Variants in GSE1 observed in about 807,000 individuals in gnomAD.
The protein encoded by GSE1 is Gse1 coiled-coil protein.
A neutral mutation model predicts 112.6 loss-of-function variants in GSE1; 32 were observed. The observed-to-expected ratio is 0.28, with a 90% CI of 0.21 to 0.38. The LOEUF is 0.38. Ranked by LOEUF, GSE1 falls within the 10% of genes least tolerant of loss-of-function variation. The pLI, the probability that GSE1 is intolerant of heterozygous loss-of-function variation, is 1.00. For synonymous variants in GSE1, 1,115 were observed against 735.6 expected, an observed-to-expected ratio of 1.52 and a Z score of -8.35; for missense variants, 2,348 against 1,699.2, an observed-to-expected ratio of 1.38 and a Z score of -6.71.
At chr16:85,228,503 G>A (rs1238543423) in intron 1 of GSE1, among the ~76,000 whole-genome samples, 2 of 152,332 alleles carry the variant, frequency 1.3e-5, no homozygotes, top group East Asian at 3.9e-4. Flanking sequence ...TGGATAGGGT[G>A]TTTACGCTCC....
upstream of GSE1, chr16:85,555,380 G>A: frequency 1.0e-6 from 1 of 977,914 alleles, no homozygotes; most frequent in African/African-American, 1.8e-5. Context: ...CCGGGCCAGG[G>A]AGATAACCAA....
intron 2 of GSE1, among the ~76,000 whole-genome samples, chr16:85,410,032 GGCCC>G (rs1355355129): frequency 1.5e-4 from 1 of 6,874 alleles, no homozygotes; most frequent in Non-Finnish European, 2.5e-4. Flanking sequence ...TTACACTCAG[GGCCC>G]CCCCCGGATA....
At chr16:85,543,366 A>G (rs1240188922) in intron 2 of GSE1, among the ~76,000 whole-genome samples, 2 of 152,200 alleles carry the variant, frequency 1.3e-5, no homozygotes, top group African/African-American at 4.8e-5. Flanking sequence ...TGAATGATTA[A>G]TAGTAGATAT....
intron 2 of GSE1, among the ~76,000 whole-genome samples, chr16:85,640,165 G>A (rs1436784406): frequency 2.0e-5 from 3 of 152,242 alleles, no homozygotes; most frequent in East Asian, 3.9e-4. Flanking sequence ...GGGGTTGGGC[G>A]CACAAGAGTC....
chr16:85,554,964 G>C (rs1183725337), upstream of GSE1: 5 of 985,282 alleles, frequency 5.1e-6, no homozygotes, highest in Middle Eastern at 5.2e-4. Context: ...GGCGAGCCCG[G>C]CTTCCTGCGC....
At chr16:85,379,804 G>A (rs1015545869) in intron 2 of GSE1, among the ~76,000 whole-genome samples, 21 of 152,204 alleles carry the variant, frequency 1.4e-4, no homozygotes, top group African/African-American at 4.8e-4. Flanking sequence ...GGGGTTGAGG[G>A]AAGCAGATCG....
intron 2 of GSE1, among the ~76,000 whole-genome samples, chr16:85,534,658 G>A (rs753426701): frequency 2.6e-5 from 4 of 152,120 alleles, no homozygotes; most frequent in Non-Finnish European, 5.9e-5. Context: ...CCTCTTGGCC[G>A]CTGCTGGTCG....
At chr16:85,414,825 G>A (rs542541589) in intron 2 of GSE1, among the ~76,000 whole-genome samples, 53 of 152,080 alleles carry the variant, frequency 3.5e-4, no homozygotes, top group African/African-American at 8.7e-4. Flanking sequence ...TAGTAGAGAC[G>A]GGGTTTCACC....
Position 85,654,296 on chromosome 16 carries a change from A to G in GSE1, c.445A>G (p.Ser149Gly). 1.9e-6 allele frequency: 3 copies of G among 1,604,128 alleles called. No homozygotes were observed. Residue 149 changes from serine to glycine, a missense_variant, in exon 4 of 16, where the codon AGC becomes GGC. Physicochemically the swap from Ser to Gly is moderately conservative, Grantham distance 56 (BLOSUM62 0). Coordinates refer to ENST00000253458, the MANE Select transcript of GSE1 (RefSeq NM_014615.5). The part of the protein sequence containing the change: ...ESRQDAGSRS[S>G]SGGRERLIVE... ...CCCGCAGGATGCCGGCTCCAGGAGC[A>G]GCAGTGGAGGTCGGGAACGCCTCAT...
chr16:85,425,485 A>G (rs1041309063), intron 2 of GSE1, among the ~76,000 whole-genome samples: 1 of 152,162 alleles, frequency 6.6e-6, no homozygotes, highest in Non-Finnish European at 1.5e-5. Flanking sequence ...TGCTCATGAG[A>G]CAAAACCCAT....
At chr16:85,615,998 A>T (rs1359715771) in intron 1 of GSE1, among the ~76,000 whole-genome samples, 2 of 152,150 alleles carry the variant, frequency 1.3e-5, no homozygotes, top group Non-Finnish European at 2.9e-5. Context: ...TCCAGCAGTC[A>T]CTTCCCTGTC....
In GSE1 at chr16:85,493,016, T is replaced by C. The variant is rs184707815; in HGVS notation, c.2464+135373T>C. Among the ~76,000 whole-genome samples, 1,241 of 152,246 alleles carry C rather than the reference T, an allele frequency of 8.2e-3. 9 individuals are homozygous for C. Among genetic ancestry groups the C allele is most frequent in the Non-Finnish European group, 0.012 (797 of 68,014 alleles). On this transcript the variant is annotated intron_variant, in intron 2 of 2. Transcript: ENST00000637419. ...GCGCACTAAAAGAGCTCAGAGCTAGTGCAGGGTATGGAGCCACAGGGCTGG... is the reference window on the plus strand; with the variant it reads ...GCGCACTAAAAGAGCTCAGAGCTAGCGCAGGGTATGGAGCCACAGGGCTGG...
Position 85,453,796 on chromosome 16 carries a change from C to T in GSE1, c.2464+96153C>T, listed in dbSNP as rs192182689. Among the ~76,000 whole-genome samples, 212 of 152,306 alleles carry T rather than the reference C, an allele frequency of 1.4e-3. 1 individual carries two copies. Among genetic ancestry groups the T allele is most frequent in the African/African-American group, 4.9e-3 (203 of 41,556 alleles). ...CGGTCGCACCCCATCCAGCTCTGGGCGGACCCCCAGGTGTCTGACCTCGGC... is the reference window on the plus strand; with the variant it reads ...CGGTCGCACCCCATCCAGCTCTGGGTGGACCCCCAGGTGTCTGACCTCGGC... On this transcript the variant is annotated intron_variant, in intron 2 of 2. Coordinates refer to the GSE1 transcript ENST00000637419.
chr16:85,534,413 C>A (rs145705946), intron 2 of GSE1, among the ~76,000 whole-genome samples: 1 of 152,178 alleles, frequency 6.6e-6, no homozygotes, highest in African/African-American at 2.4e-5. Flanking sequence ...TGAGCCACCA[C>A]GCCCGGCCAA....
chr16:85,625,503 C>T (rs1193606111), intron 1 of GSE1, among the ~76,000 whole-genome samples: 6 of 152,172 alleles, frequency 3.9e-5, no homozygotes, highest in Non-Finnish European at 1.5e-5. Context: ...GGTGACCTGG[C>T]CCCCCAGGTG....
intron 2 of GSE1, among the ~76,000 whole-genome samples, chr16:85,391,792 C>T (rs1423758293): frequency 6.6e-6 from 1 of 152,122 alleles, no homozygotes; most frequent in East Asian, 1.9e-4. Context: ...CTTGTGGGGC[C>T]TCACTGGCAT....
At chr16:85,348,714 G>A (rs2046793413) in intron 1 of GSE1, among the ~76,000 whole-genome samples, 1 of 152,184 alleles carries the variant, frequency 6.6e-6, no homozygotes, top group Non-Finnish European at 1.5e-5. Flanking sequence ...GCCTGGCTCT[G>A]GATCGTGCTT....
At chr16:85,438,099 T>A (rs1275934993) in intron 2 of GSE1, among the ~76,000 whole-genome samples, 1 of 152,150 alleles carries the variant, frequency 6.6e-6, no homozygotes. Flanking sequence ...AGGGGCTGCC[T>A]ACCTTTCTCT....
chr16:85,429,827 A>G (rs1035209995), intron 2 of GSE1, among the ~76,000 whole-genome samples: 2 of 151,546 alleles, frequency 1.3e-5, no homozygotes, highest in African/African-American at 4.9e-5. Flanking sequence ...TCGATTTTCC[A>G]TTTTTCTCCA....
Sources: allele counts gnomAD v4.1 joint callset (sites outside exome capture counted in the v4.1 genomes callset), GRCh38; gene constraint gnomAD v4.1.1; transcripts MANE v1.5; gene names NCBI Gene and HGNC (gene_info 2026-07-23, HGNC 2026-07-21).